The following RANBP2 variants were observed in gnomAD, a reference collection of about 807,000 sequenced individuals.
The protein encoded by RANBP2 is E3 SUMO-protein ligase RanBP2.
In RANBP2, 57 loss-of-function variants were observed where a neutral mutation model predicts 303.6. The ratio of observed to expected loss-of-function variants is 0.19; its 90% CI spans 0.15 to 0.23. RANBP2 has a LOEUF of 0.23. RANBP2 is among the 10% of genes least tolerant of loss of function. The probability of loss-of-function intolerance (pLI) is 1.00; values close to 1 mark genes in which losing one functional copy is unlikely to be tolerated. For synonymous variants in RANBP2, 1,167 were observed against 1,301.5 expected (o/e 0.90, Z 2.23); for missense variants, 3,138 against 3,780.8 (o/e 0.83, Z 4.46).
At chr2:109,325,169 G>T in the RANBP2 span, among the ~76,000 whole-genome samples, 2 of 152,002 alleles carry the variant, frequency 1.3e-5, no homozygotes, top group African/African-American at 4.8e-5. Flanking sequence ...CAACTCACTG[G>T]TCTTTAATTT....
the RANBP2 span, among the ~76,000 whole-genome samples, chr2:109,471,197 ACT>A: frequency 7.6e-6 from 1 of 131,132 alleles, no homozygotes; most frequent in African/African-American, 3.2e-5. Flanking sequence ...TGGGCGACAG[ACT>A]CTGTCTCAAA....
the RANBP2 span, among the ~76,000 whole-genome samples, chr2:109,628,926 G>T: frequency 2.6e-5 from 4 of 152,010 alleles, no homozygotes; most frequent in Non-Finnish European, 5.9e-5. Flanking sequence ...TAACTAGGCT[G>T]GGTGCAGTGG....
the RANBP2 span, among the ~76,000 whole-genome samples, chr2:108,919,193 G>T: frequency 6.6e-6 from 1 of 152,202 alleles, no homozygotes; most frequent in African/African-American, 2.4e-5. Context: ...TGTCACGGAA[G>T]AGCATCCGGG....
the RANBP2 span, chr2:109,613,963 A>G: frequency 9.5e-7 from 1 of 1,049,224 alleles, no homozygotes; most frequent in Non-Finnish European, 1.1e-6. Context: ...GCGACGGGGA[A>G]GGGACAGGGG....
chr2:109,490,048 C>T, the RANBP2 span, among the ~76,000 whole-genome samples: 2 of 152,138 alleles, frequency 1.3e-5, no homozygotes, highest in Non-Finnish European at 2.9e-5. Context: ...TGGATGAGCT[C>T]TTGGTCTTAG....
At chr2:109,257,073 G>A in the RANBP2 span, among the ~76,000 whole-genome samples, 43 of 152,258 alleles carry the variant, frequency 2.8e-4, no homozygotes, top group African/African-American at 1.0e-3. Context: ...TAGGGGCACC[G>A]TGTATTTCAG....
the RANBP2 span, among the ~76,000 whole-genome samples, chr2:109,646,142 G>C: frequency 6.6e-6 from 1 of 152,228 alleles, no homozygotes; most frequent in African/African-American, 2.4e-5. Flanking sequence ...TGTTCTGTTA[G>C]TTGATTTTAT....
At chr2:109,063,129 G>A in the RANBP2 span, among the ~76,000 whole-genome samples, 1 of 152,160 alleles carries the variant, frequency 6.6e-6, no homozygotes, top group Non-Finnish European at 1.5e-5. Context: ...CATTCCCCTA[G>A]GGTTGTGCAG....
chr2:108,869,540 G>A, the RANBP2 span, among the ~76,000 whole-genome samples: 2 of 152,184 alleles, frequency 1.3e-5, no homozygotes, highest in African/African-American at 4.8e-5. Flanking sequence ...CATAGCACAT[G>A]AAAACTGCAG....
At chr2:109,738,672 CTGATTT>C in the RANBP2 span, among the ~76,000 whole-genome samples, 1 of 147,894 alleles carries the variant, frequency 6.8e-6, no homozygotes, top group Non-Finnish European at 1.5e-5. Context: ...TTTTTCACTT[CTGATTT>C]TATTTATTTG....
chr2:108,908,016 C>T, the RANBP2 span: 3 of 1,607,364 alleles, frequency 1.9e-6, no homozygotes, highest in Non-Finnish European at 2.6e-6. Flanking sequence ...AGGCATCGTT[C>T]TCGCTGCAAA....
the RANBP2 span, among the ~76,000 whole-genome samples, chr2:109,331,935 C>T: frequency 8.4e-3 from 1,278 of 152,336 alleles, 15 homozygotes; most frequent in East Asian, 0.045. Context: ...GCACCCTCAG[C>T]ACCTGGCCGA....
chr2:109,544,913 C>A, the RANBP2 span: 2 of 961,182 alleles, frequency 2.1e-6, no homozygotes, highest in Admixed American at 6.2e-5. Flanking sequence ...CATGAGAATT[C>A]CTTCCTCTTT....
At chr2:108,852,837 C>T in the RANBP2 span, among the ~76,000 whole-genome samples, 3 of 152,110 alleles carry the variant, frequency 2.0e-5, no homozygotes, top group Non-Finnish European at 4.4e-5. Context: ...GTACAACAAA[C>T]TCCTATGACA....
the RANBP2 span, among the ~76,000 whole-genome samples, chr2:108,990,591 G>C: frequency 6.6e-6 from 1 of 152,038 alleles, no homozygotes; most frequent in Admixed American, 6.6e-5. Flanking sequence ...GCGAGAATCT[G>C]TCTCAAAACA....
the RANBP2 span, among the ~76,000 whole-genome samples, chr2:109,103,162 G>A: frequency 6.6e-6 from 1 of 152,200 alleles, no homozygotes; most frequent in Middle Eastern, 3.2e-3. Context: ...ACATCAAAGT[G>A]GAAGGAAAGG....
chr2:109,313,154 C>T, the RANBP2 span, among the ~76,000 whole-genome samples: 1 of 152,198 alleles, frequency 6.6e-6, no homozygotes, highest in Admixed American at 6.5e-5. Context: ...CATCTGTGTG[C>T]ATGGGCTGAG....
chr2:108,981,974 G>A, the RANBP2 span, among the ~76,000 whole-genome samples: 1 of 152,242 alleles, frequency 6.6e-6, no homozygotes, highest in South Asian at 2.1e-4. Context: ...ACTGTGCTAG[G>A]TGCCAGAGAA....
intron 1 of RANBP2, 124 bp downstream of exon 1, chr2:108,719,802 T>G: frequency 1.3e-6 from 2 of 1,486,828 alleles, no homozygotes; most frequent in Non-Finnish European, 8.9e-7. Context: ...GCCGGCCGGC[T>G]GGCGCAGTCC....
Sources: gnomAD v4.1 joint callset for allele counts (sites outside exome capture counted in the v4.1 genomes callset) on GRCh38, gnomAD v4.1.1 for gene constraint, MANE v1.5 for transcripts, NCBI Gene and HGNC (gene_info 2026-07-23, HGNC 2026-07-21) for gene names.